The following SPAG16 variants were observed in gnomAD, a reference collection of about 807,000 sequenced individuals.
SPAG16 encodes the protein sperm associated antigen 16.
Under a neutral mutation model 80.4 loss-of-function variants are expected in SPAG16, and 86 were observed. The observed-to-expected ratio is 1.07, with a 90% CI of 0.90 to 1.28. The LOEUF is 1.28. SPAG16 is among the 50% of genes most tolerant of loss of function. SPAG16 has a pLI of 0.00. For missense variants in SPAG16, 870 were observed against 765.3 expected, an observed-to-expected ratio of 1.14 and a Z score of -1.61; for synonymous variants, 294 against 265.9, an observed-to-expected ratio of 1.11 and a Z score of -1.03.
At chr2:213,564,989 A>T (rs906031716) in intron 10 of SPAG16, among the ~76,000 whole-genome samples, 1 of 152,170 alleles carries the variant, frequency 6.6e-6, no homozygotes, top group Non-Finnish European at 1.5e-5. Context: ...AAATTGAAAA[A>T]CTTACTGGTT....
At chr2:213,468,690 A>G (rs543509603) in intron 9 of SPAG16, among the ~76,000 whole-genome samples, 3 of 147,660 alleles carry the variant, frequency 2.0e-5, no homozygotes, top group African/African-American at 7.4e-5. Context: ...GTGTGTGTAT[A>G]TGTGTGTATA....
At chr2:214,225,490 A>G (rs1052461272) in intron 15 of SPAG16, among the ~76,000 whole-genome samples, 1 of 152,160 alleles carries the variant, frequency 6.6e-6, no homozygotes, top group Non-Finnish European at 1.5e-5. Context: ...TGAAGACATA[A>G]GAAACATGAA....
At chr2:213,637,800 C>T (rs2062425574) in intron 10 of SPAG16, among the ~76,000 whole-genome samples, 1 of 152,108 alleles carries the variant, frequency 6.6e-6, no homozygotes, top group African/African-American at 2.4e-5. Flanking sequence ...CTCTGTTGCC[C>T]AGGCTGGAGT....
intron 10 of SPAG16, among the ~76,000 whole-genome samples, chr2:213,590,197 C>A (rs1163546026): frequency 6.6e-6 from 1 of 152,022 alleles, no homozygotes; most frequent in African/African-American, 2.4e-5. Flanking sequence ...TGTTTTTACA[C>A]GTAATTGCAC....
At chr2:213,986,212 T>A (rs1001379167) in intron 12 of SPAG16, among the ~76,000 whole-genome samples, 13 of 152,218 alleles carry the variant, frequency 8.5e-5, no homozygotes, top group African/African-American at 2.9e-4. Context: ...CAATTTGAAT[T>A]GCCCAGCGTC....
At chr2:214,266,867 G>A (rs977337757) in intron 15 of SPAG16, among the ~76,000 whole-genome samples, 2 of 151,384 alleles carry the variant, frequency 1.3e-5, no homozygotes, top group Admixed American at 6.6e-5. Flanking sequence ...AAATACTTAG[G>A]AGTCAATTTA....
chr2:213,799,916 A>T (rs2071273782), intron 10 of SPAG16, among the ~76,000 whole-genome samples: 1 of 151,414 alleles, frequency 6.6e-6, no homozygotes, highest in African/African-American at 2.4e-5. Flanking sequence ...ATAAACATGC[A>T]TGTGCAGTGT....
At chr2:213,894,717 G>A (rs1858253) in intron 11 of SPAG16, among the ~76,000 whole-genome samples, 3 of 151,878 alleles carry the variant, frequency 2.0e-5, no homozygotes, top group African/African-American at 4.8e-5. Context: ...ACGGCCTGGC[G>A]CAGTGGCTCA....
intron 14 of SPAG16, among the ~76,000 whole-genome samples, chr2:214,124,858 C>T (rs1303830759): frequency 2.0e-5 from 3 of 151,740 alleles, no homozygotes; most frequent in African/African-American, 7.2e-5. Context: ...TTTCCTGGAG[C>T]ACCTTTCACC....
intron 3 of SPAG16, among the ~76,000 whole-genome samples, chr2:213,308,342 G>T (rs2063037528): frequency 6.6e-6 from 1 of 151,992 alleles, no homozygotes; most frequent in Non-Finnish European, 1.5e-5. Flanking sequence ...TTTTAGGTCT[G>T]CTAAGATGTT....
intron 15 of SPAG16, among the ~76,000 whole-genome samples, chr2:214,405,103 TTATC>T (rs1271123139): frequency 6.6e-6 from 1 of 152,018 alleles, no homozygotes; most frequent in Non-Finnish European, 1.5e-5. Context: ...AGTGTGACAC[TTATC>T]TGAGTCTTTT....
chr2:214,106,047 G>T (rs1482729115), intron 13 of SPAG16, among the ~76,000 whole-genome samples: 2 of 151,678 alleles, frequency 1.3e-5, no homozygotes, highest in Non-Finnish European at 1.5e-5. Context: ...GAAAAAAAAA[G>T]CTACTACACT....
intron 8 of SPAG16, among the ~76,000 whole-genome samples, chr2:213,369,992 C>T (rs1202907789): frequency 2.6e-4 from 40 of 152,306 alleles, no homozygotes; most frequent in Non-Finnish European, 1.2e-4. Context: ...GTGTATCCAA[C>T]ATTATAGTGT....
intron 9 of SPAG16, among the ~76,000 whole-genome samples, chr2:213,448,131 A>C (rs916584926): frequency 6.6e-6 from 1 of 152,236 alleles, no homozygotes; most frequent in African/African-American, 2.4e-5. Context: ...TTAGCTAATC[A>C]AATTAATGAT....
At chr2:214,194,156 G>A (rs1435349918) in intron 15 of SPAG16, among the ~76,000 whole-genome samples, 3 of 152,028 alleles carry the variant, frequency 2.0e-5, no homozygotes, top group Non-Finnish European at 2.9e-5. Context: ...AATAGTTGGC[G>A]AGTTGTCATG....
At chr2:213,896,267 G>A (rs1575485483) in intron 11 of SPAG16, among the ~76,000 whole-genome samples, 1 of 151,898 alleles carries the variant, frequency 6.6e-6, no homozygotes, top group Non-Finnish European at 1.5e-5. Context: ...TGCTAAAATG[G>A]CTTTTATTAA....
chr2:214,369,121 G>T (rs1699659845), intron 15 of SPAG16, among the ~76,000 whole-genome samples: 1 of 151,952 alleles, frequency 6.6e-6, no homozygotes, highest in Admixed American at 6.6e-5. Flanking sequence ...AATTCCAGTG[G>T]ACAACTCAGG....
chr2:213,730,532 A>G (rs1206901246), intron 10 of SPAG16, among the ~76,000 whole-genome samples: 2 of 152,130 alleles, frequency 1.3e-5, no homozygotes, highest in African/African-American at 4.8e-5. Flanking sequence ...TCTTGTTTAT[A>G]TGGTTTCTGA....
chr2:214,261,281 G>A (rs753222758), intron 15 of SPAG16, among the ~76,000 whole-genome samples: 7 of 150,546 alleles, frequency 4.6e-5, no homozygotes, highest in East Asian at 2.0e-4. Flanking sequence ...ATCACATACC[G>A]TTCACTCACA....
Sources: allele counts gnomAD v4.1 joint callset (sites outside exome capture counted in the v4.1 genomes callset), GRCh38; gene constraint gnomAD v4.1.1; transcripts MANE v1.5; gene names NCBI Gene and HGNC (gene_info 2026-07-23, HGNC 2026-07-21).